PRORP: variants seen among roughly 807,000 people sequenced by gnomAD.
PRORP encodes mitochondrial ribonuclease P catalytic subunit.
A neutral mutation model predicts 59.4 loss-of-function variants in PRORP; 51 were observed. The observed-to-expected ratio is 0.86, with a 90% CI of 0.69 to 1.08. The LOEUF is 1.08. PRORP is among the 50% of genes least tolerant of loss of function. PRORP has a pLI of 0.00. For missense variants in PRORP, 646 were observed against 690.3 expected, an observed-to-expected ratio of 0.94 and a Z score of 0.72; for synonymous variants, 231 against 245.6, an observed-to-expected ratio of 0.94 and a Z score of 0.55.
At position 35,246,095 on chromosome 14, in the gene PRORP, A is replaced by G. The variant is rs192549214; in HGVS notation, c.1276-20632A>G. ...CATTCTGGCTCCTTATCTTTTGTATATGATCTGCTTTATTCTCTCTGGAAG... is the reference window on the plus strand; with the variant it reads ...CATTCTGGCTCCTTATCTTTTGTATGTGATCTGCTTTATTCTCTCTGGAAG... On this transcript the variant is annotated intron_variant, in intron 5 of 7. Transcript: ENST00000534898. Among the ~76,000 whole-genome samples the G allele has an allele frequency of 1.6e-3, 240 of 152,252 alleles. 2 individuals are homozygous for G. Among genetic ancestry groups the G allele is most frequent in the African/African-American group, 5.4e-3 (224 of 41,564 alleles).
At chr14:35,234,334 T>G (rs2050152612) in intron 5 of PRORP, among the ~76,000 whole-genome samples, 1 of 152,224 alleles carries the variant, frequency 6.6e-6, no homozygotes, top group Non-Finnish European at 1.5e-5. Flanking sequence ...TTGGAAACTA[T>G]TTTTTCCAAA....
At chr14:35,202,905 A>G (rs1030965371) in intron 5 of PRORP, among the ~76,000 whole-genome samples, 4 of 152,214 alleles carry the variant, frequency 2.6e-5, no homozygotes, top group African/African-American at 7.2e-5. Context: ...AAGTGCTGGG[A>G]TTACAGGTGT....
At chr14:35,151,550 A>G (rs2047746740) in intron 4 of PRORP, among the ~76,000 whole-genome samples, 1 of 151,612 alleles carries the variant, frequency 6.6e-6, no homozygotes, top group Non-Finnish European at 1.5e-5. Flanking sequence ...TTTCCTTCAT[A>G]TCCCCATTCT....
intron 5 of PRORP, among the ~76,000 whole-genome samples, chr14:35,201,954 C>G (rs28549180): frequency 0.1 from 15,629 of 149,502 alleles, 904 homozygotes; most frequent in African/African-American, 0.16. Context: ...CACCGTGCCC[C>G]GCCACAAAAT....
intron 5 of PRORP, among the ~76,000 whole-genome samples, chr14:35,249,868 A>G (rs1219425406): frequency 1.3e-5 from 2 of 152,220 alleles, no homozygotes; most frequent in Non-Finnish European, 2.9e-5. Flanking sequence ...GCTTTGAACT[A>G]TAGCTATGTG....
chr14:35,179,858 T>C (rs1344075762), intron 4 of PRORP, among the ~76,000 whole-genome samples: 1 of 152,188 alleles, frequency 6.6e-6, no homozygotes, highest in Admixed American at 6.5e-5. Flanking sequence ...TCCCCATCTT[T>C]ATGGTTTTAT....
chr14:35,241,977 C>T (rs1014988253), intron 5 of PRORP, among the ~76,000 whole-genome samples: 4 of 152,292 alleles, frequency 2.6e-5, no homozygotes, highest in Admixed American at 2.0e-4. Flanking sequence ...GGGCTCTAAA[C>T]TCACTGAGGG....
At chr14:35,252,600 T>A (rs2050642730) in intron 5 of PRORP, among the ~76,000 whole-genome samples, 1 of 152,172 alleles carries the variant, frequency 6.6e-6, no homozygotes, top group Admixed American at 6.5e-5. Flanking sequence ...CAACCATGAC[T>A]GGGCTTTACC....
rs763175565 is a variant in PRORP at position 35,270,407 on chromosome 14, G to C, written c.1431G>C (p.Glu477Asp). ...ASCFFADDIS[E>D]DDPFLLYATL... Reference sequence around the variant, plus strand: ...TTTCTTATGCCTGGTTCAGCTCGGAGGATGATCCATTCCTTCTGTATGCCA... The same window carrying C: ...TTTCTTATGCCTGGTTCAGCTCGGACGATGATCCATTCCTTCTGTATGCCA... Residue 477 changes from glutamate (E) to aspartate (D), a missense_variant, in exon 7 of 8, where the codon GAG (glutamate) becomes GAC (aspartate). Transcript: ENST00000534898. 2.5e-6 allele frequency: 4 copies of C among 1,613,304 alleles called. No individual in the cohort carries two copies. The highest frequency in any genetic ancestry group is 3.4e-6 in the Non-Finnish European group (4 of 1,179,734).
At position 35,182,738 on chromosome 14, in the gene PRORP, T is replaced by C. The variant is rs942627945; in HGVS notation, c.1275+1961T>C. ...CAGATTAAAATATTTATCTTCCAGA[T>C]TGGTAAATCTTTAAAAGTTGGTAAT... On this transcript the variant is annotated intron_variant, in intron 5 of 7. Transcript: ENST00000534898. Among the ~76,000 whole-genome samples the C allele has an allele frequency of 1.2e-4, 18 of 152,336 alleles. 1 individual carries two copies. Among genetic ancestry groups the C allele is most frequent in the Middle Eastern group, 3.4e-3 (1 of 294 alleles).
intron 4 of PRORP, among the ~76,000 whole-genome samples, chr14:35,174,013 G>T (rs2048383512): frequency 6.6e-6 from 1 of 152,020 alleles, no homozygotes; most frequent in African/African-American, 2.4e-5. Context: ...GTTTCCAAGA[G>T]CAAGCATCCT....
intron 4 of PRORP, among the ~76,000 whole-genome samples, chr14:35,153,222 C>T (rs999997542): frequency 2.6e-5 from 4 of 152,220 alleles, no homozygotes; most frequent in African/African-American, 9.6e-5. Context: ...ACCCCGTCTC[C>T]ACCAAAAAAA....
At chr14:35,259,554 T>C (rs1285860847) in intron 5 of PRORP, among the ~76,000 whole-genome samples, 2 of 152,242 alleles carry the variant, frequency 1.3e-5, no homozygotes, top group Admixed American at 6.5e-5. Context: ...TTGAACTTTT[T>C]TAGAATTCCG....
chr14:35,198,306 G>T (rs1383198275), intron 5 of PRORP, among the ~76,000 whole-genome samples: 1 of 152,220 alleles, frequency 6.6e-6, no homozygotes, highest in African/African-American at 2.4e-5. Flanking sequence ...GCAGGGCCAT[G>T]TGGGCACTCT....
chr14:35,257,755 G>A (rs147733495), intron 5 of PRORP, among the ~76,000 whole-genome samples: 1 of 152,130 alleles, frequency 6.6e-6, no homozygotes, highest in African/African-American at 2.4e-5. Context: ...AGATCCCAAA[G>A]GCTTTAGAGT....
intron 5 of PRORP, chr14:35,262,442 C>T: frequency 2.4e-6 from 1 of 415,648 alleles, no homozygotes; most frequent in East Asian, 5.5e-5. Context: ...ACTTTCTTTG[C>T]CATGTCTACT....
At chr14:35,152,768 A>G (rs949739288) in intron 4 of PRORP, among the ~76,000 whole-genome samples, 14 of 151,008 alleles carry the variant, frequency 9.3e-5, no homozygotes, top group Non-Finnish European at 1.9e-4. Flanking sequence ...GCGGCCGGGC[A>G]GAGGCGCTCC....
At chr14:35,239,512 T>C (rs1217863509) in intron 5 of PRORP, among the ~76,000 whole-genome samples, 1 of 151,172 alleles carries the variant, frequency 6.6e-6, no homozygotes, top group Non-Finnish European at 1.5e-5. Flanking sequence ...AAGAGTTTAT[T>C]AGATCAGGCA....
Position 35,127,594 on chromosome 14 carries a change from A to G in PRORP, c.1150A>G (p.Arg384Gly). 1.2e-6 allele frequency: 2 copies of G among 1,614,134 alleles called. No homozygotes were observed. Among genetic ancestry groups the G allele is most frequent in the Non-Finnish European group, 1.7e-6 (2 of 1,179,992 alleles). The change falls in exon 4 of 8, where the codon AGA (arginine) becomes GGA (glycine). Residue 384 changes from arginine (R) to glycine (G), a missense_variant. Arg to Gly is a moderately radical substitution (Grantham distance 125, BLOSUM62 -2). Coordinates refer to ENST00000534898, the MANE Select transcript of PRORP (RefSeq NM_014672.4). ...RDVIDGGDQY[R>G]KTTPQELKRF... ...TGTGATAGATGGAGGTGACCAGTAC[A>G]GAAAGACAACACCTCAGGTGAGTCT...
Sources: gnomAD v4.1 joint callset for allele counts (sites outside exome capture counted in the v4.1 genomes callset) on GRCh38, gnomAD v4.1.1 for gene constraint, MANE v1.5 for transcripts, NCBI Gene and HGNC (gene_info 2026-07-23, HGNC 2026-07-21) for gene names.